CDH11: variants seen among roughly 807,000 people sequenced by gnomAD.
The protein encoded by CDH11 is cadherin 11.
Under a neutral mutation model 67.8 loss-of-function variants are expected in CDH11, and 11 were observed. The ratio of observed to expected loss-of-function variants is 0.16; its 90% CI spans 0.10 to 0.27. The LOEUF is 0.27. CDH11 is among the 10% of genes least tolerant of loss of function. The probability of loss-of-function intolerance (pLI) is 1.00; values close to 1 mark genes in which losing one functional copy is unlikely to be tolerated. For synonymous variants in CDH11, 419 were observed against 400.0 expected (o/e 1.05, Z -0.57); for missense variants, 847 against 1,031.2 (o/e 0.82, Z 2.45).
intron 11 of CDH11, among the ~76,000 whole-genome samples, chr16:64,957,778 C>A (rs1256188233): frequency 6.6e-6 from 1 of 152,018 alleles, no homozygotes; most frequent in East Asian, 1.9e-4. Flanking sequence ...CTACAAAAGG[C>A]ATCATTTGAG....
chr16:65,023,410 A>G (rs750403905), intron 2 of CDH11, among the ~76,000 whole-genome samples: 2 of 152,226 alleles, frequency 1.3e-5, no homozygotes, highest in Non-Finnish European at 2.9e-5. Flanking sequence ...GCCAGAAAAG[A>G]TGTCACAGGG....
Position 64,946,968 on chromosome 16 carries a change from C to A in CDH11, c.*635G>T. 1 of 937,306 alleles carries A rather than the reference C, an allele frequency of 1.1e-6. No homozygotes were observed. The highest frequency in any genetic ancestry group is 5.0e-4 in the Middle Eastern group (1 of 1,996). The allele number at this position is 937,306 out of a possible 1,614,324, so 58.1% of individuals were successfully genotyped here. A position where few individuals can be genotyped will look rare whatever the true frequency, so the allele number is the denominator to read the frequency against. On this transcript the variant is annotated 3_prime_UTR_variant, in exon 13 of 13. Coordinates refer to ENST00000268603, the MANE Select transcript of CDH11 (RefSeq NM_001797.4). Reference sequence around the variant, plus strand: ...GTACAAATAGATACATTAAAAATGACATAGAAATAGGGCGTCTCTCACTGA... The same window carrying A: ...GTACAAATAGATACATTAAAAATGAAATAGAAATAGGGCGTCTCTCACTGA...
chr16:65,069,272 A>G (rs1021830720), intron 1 of CDH11, among the ~76,000 whole-genome samples: 1 of 152,250 alleles, frequency 6.6e-6, no homozygotes, highest in African/African-American at 2.4e-5. Flanking sequence ...GTTCATTATG[A>G]CGTCAAATCT....
chr16:64,992,463 C>T (rs560537382), intron 5 of CDH11, among the ~76,000 whole-genome samples: 41 of 152,330 alleles, frequency 2.7e-4, no homozygotes, highest in South Asian at 1.2e-3. Context: ...TCTATTATCA[C>T]CTGTCACGGA....
chr16:65,113,914 G>C (rs982941224), intron 1 of CDH11, among the ~76,000 whole-genome samples: 15 of 152,062 alleles, frequency 9.9e-5, no homozygotes, highest in African/African-American at 3.6e-4. Flanking sequence ...AATGTTCTTA[G>C]TACAGTGTGT....
At chr16:65,014,997 G>A (rs1849626136) in intron 2 of CDH11, among the ~76,000 whole-genome samples, 1 of 147,954 alleles carries the variant, frequency 6.8e-6, no homozygotes, top group African/African-American at 2.5e-5. Flanking sequence ...ACAGGCATAG[G>A]CCACCATGCC....
At chr16:65,033,103 C>A (rs1200099916) in intron 2 of CDH11, among the ~76,000 whole-genome samples, 1 of 152,142 alleles carries the variant, frequency 6.6e-6, no homozygotes, top group East Asian at 1.9e-4. Flanking sequence ...CTGCCCATTA[C>A]GTGAAGCTTA....
At chr16:65,010,695 T>A (rs756931299) in intron 2 of CDH11, among the ~76,000 whole-genome samples, 22 of 152,174 alleles carry the variant, frequency 1.4e-4, no homozygotes, top group Non-Finnish European at 2.4e-4. Flanking sequence ...TAAAACTGCT[T>A]CAGTGGAGAT....
At chr16:65,087,150 AT>A (rs1205212366) in intron 1 of CDH11, among the ~76,000 whole-genome samples, 3 of 152,190 alleles carry the variant, frequency 2.0e-5, no homozygotes, top group Non-Finnish European at 4.4e-5. Context: ...GAACTATTAC[AT>A]TTTGCACCTG....
At chr16:64,982,363 C>T (rs2072376725) in intron 7 of CDH11, 62 bp from the exon 8 acceptor site, 5 of 1,325,898 alleles carry the variant, frequency 3.8e-6, no homozygotes, top group Non-Finnish European at 5.3e-6. Flanking sequence ...AAGAGAAAGA[C>T]CCGATTGTTT....
intron 4 of CDH11, among the ~76,000 whole-genome samples, chr16:64,994,015 A>G (rs1003047986): frequency 2.0e-5 from 3 of 152,192 alleles, no homozygotes; most frequent in African/African-American, 7.2e-5. Context: ...GTCTAACCCC[A>G]ATCCAGCACA....
rs1389390287 is a variant in CDH11, at chr16:65,060,897, C to T, written c.-297-6969G>A. On this transcript the variant is annotated intron_variant, in intron 1 of 12. Transcript: ENST00000268603. ...TTATTAACACAGCTTATGCATCTGA[C>T]TCCTGTCTGTCCCCAGCCTCACCTG... Among the ~76,000 whole-genome samples, 4 of 152,162 alleles carry T rather than the reference C, an allele frequency of 2.6e-5. No individual in the cohort carries two copies. In the East Asian group the frequency reaches 5.8e-4, roughly 22 times the overall value.
At chr16:64,964,888 A>G (rs890835150) in intron 11 of CDH11, among the ~76,000 whole-genome samples, 44 of 151,918 alleles carry the variant, frequency 2.9e-4, no homozygotes, top group African/African-American at 1.1e-3. Context: ...GCTACACTAA[A>G]CTTATAAAAA....
At position 64,947,921 on chromosome 16, in the gene CDH11, G is replaced by T; in HGVS notation, c.2073C>A (p.Ile691=). 1 of 1,614,116 alleles carries T rather than the reference G, an allele frequency of 6.2e-7. No homozygotes were observed. Among genetic ancestry groups the T allele is most frequent in the Non-Finnish European group, 8.5e-7 (1 of 1,180,018 alleles). The change falls in exon 13 of 13, where the codon ATC becomes ATA. Residue 691 remains isoleucine (I), a synonymous_variant. Transcript: ENST00000268603. ...ACTCAGGTTTGATGTCTTTGCGGGG[G>T]ATAAATCCATTGATACCATCAGGAT... ...LQNPDGINGF[I]PRKDIKPEYQ...
intron 3 of CDH11, among the ~76,000 whole-genome samples, chr16:65,002,200 T>G (rs1366504403): frequency 6.6e-6 from 1 of 152,200 alleles, no homozygotes; most frequent in African/African-American, 2.4e-5. Context: ...TCACACACCA[T>G]GAATAATACT....
At chr16:64,981,938 T>C (rs2072360932) in intron 8 of CDH11, 110 bp downstream of exon 8, 2 of 933,608 alleles carry the variant, frequency 2.1e-6, no homozygotes, top group East Asian at 4.9e-5. Context: ...TTGAACCTGA[T>C]AAACTTGAAC....
rs981992266 is a variant in CDH11, at chr16:64,944,210, G to A, written c.*3393C>T. 9.4e-5 allele frequency: 22 copies of A among 233,012 alleles called. No homozygotes were observed. Among genetic ancestry groups the A allele is most frequent in the African/African-American group, 4.4e-4 (20 of 45,452 alleles). 14.4% of individuals were successfully genotyped at this position (233,012 alleles called of 1,614,324 possible). On this transcript the variant is annotated 3_prime_UTR_variant, in exon 13 of 13. Coordinates refer to ENST00000268603, the MANE Select transcript of CDH11 (RefSeq NM_001797.4). The stretch of plus-strand genomic sequence containing the variant: ...ATGTGATCTGGGTTGTGTGTTAAAA[G>A]TATCCCTCTGGCTTCTTTGTGAAGA...
At chr16:65,001,454 C>A (rs1182221230) in intron 3 of CDH11, among the ~76,000 whole-genome samples, 1 of 152,140 alleles carries the variant, frequency 6.6e-6, no homozygotes, top group Admixed American at 6.5e-5. Context: ...CTTCTATTTA[C>A]CCTGCTGCAC....
intron 2 of CDH11, among the ~76,000 whole-genome samples, chr16:65,046,274 C>T (rs2073960531): frequency 6.6e-6 from 1 of 152,214 alleles, no homozygotes; most frequent in African/African-American, 2.4e-5. Context: ...GTTGGATTGC[C>T]TGTTACCACC....
Sources: gnomAD v4.1 joint callset for allele counts (sites outside exome capture counted in the v4.1 genomes callset) on GRCh38, gnomAD v4.1.1 for gene constraint, MANE v1.5 for transcripts, NCBI Gene and HGNC (gene_info 2026-07-23, HGNC 2026-07-21) for gene names.